Variants in TPTE2 observed in about 807,000 individuals in gnomAD.
TPTE2 encodes phosphatidylinositol 3,4,5-trisphosphate 3-phosphatase TPTE2.
In TPTE2, 53 loss-of-function variants were observed where a neutral mutation model predicts 78.6. The observed-to-expected ratio is 0.67, with a 90% CI of 0.54 to 0.85. The LOEUF (loss-of-function observed/expected upper bound fraction) is 0.85, where lower values mean the gene tolerates loss of function less well. Ranked by LOEUF, TPTE2 falls within the 40% of genes least tolerant of loss-of-function variation. TPTE2 has a pLI of 0.00. For synonymous variants in TPTE2, 175 were observed against 206.2 expected (o/e 0.85, Z 1.30); for missense variants, 461 against 623.0 (o/e 0.74, Z 2.77).
chr13:19,466,235 T>A (rs556305949), intron 7 of TPTE2, among the ~76,000 whole-genome samples: 1 of 152,330 alleles, frequency 6.6e-6, no homozygotes, highest in Admixed American at 6.5e-5. Context: ...GTCCCAGAGA[T>A]ACTGATTCAG....
the TPTE2 span, among the ~76,000 whole-genome samples, chr13:19,543,051 TTC>T: frequency 6.6e-6 from 1 of 151,682 alleles, no homozygotes; most frequent in African/African-American, 2.4e-5. Context: ...CAGTCTTTAT[TTC>T]TTTTTCTTTT....
chr13:19,470,227 T>C (rs1283005218), intron 6 of TPTE2, among the ~76,000 whole-genome samples: 3 of 152,174 alleles, frequency 2.0e-5, no homozygotes, highest in South Asian at 4.1e-4. Flanking sequence ...TTTTAGGGTG[T>C]TTACTATGAA....
chr13:19,457,856 A>T (rs1878640101), intron 10 of TPTE2, among the ~76,000 whole-genome samples: 1 of 152,210 alleles, frequency 6.6e-6, no homozygotes, highest in Non-Finnish European at 1.5e-5. Flanking sequence ...ACCATCTTAA[A>T]TACAAGGAAT....
At chr13:19,494,897 C>G (rs1881215353) in intron 1 of TPTE2, among the ~76,000 whole-genome samples, 1 of 152,160 alleles carries the variant, frequency 6.6e-6, no homozygotes. Flanking sequence ...TAATTATTCA[C>G]ATGTACGTAT....
chr13:19,469,161 A>C (rs1879459148), intron 6 of TPTE2, among the ~76,000 whole-genome samples: 2 of 152,218 alleles, frequency 1.3e-5, no homozygotes, highest in South Asian at 4.1e-4. Flanking sequence ...TTGAGGTCTT[A>C]GATTTAAGTC....
At chr13:19,485,121 C>T (rs994127118) in intron 3 of TPTE2, among the ~76,000 whole-genome samples, 1 of 152,038 alleles carries the variant, frequency 6.6e-6, no homozygotes, top group Non-Finnish European at 1.5e-5. Flanking sequence ...CTTTCTCTTT[C>T]TCCTTTATGC....
chr13:19,447,814 A>G (rs968201809), intron 13 of TPTE2, among the ~76,000 whole-genome samples: 11 of 152,322 alleles, frequency 7.2e-5, no homozygotes, highest in African/African-American at 2.4e-4. Flanking sequence ...TGGATTTACA[A>G]ATGGCTTTTT....
chr13:19,556,566 G>C, the TPTE2 span, among the ~76,000 whole-genome samples: 1 of 152,130 alleles, frequency 6.6e-6, no homozygotes, highest in Non-Finnish European at 1.5e-5. Flanking sequence ...TCACTCTGTT[G>C]CTTAGGATGG....
chr13:19,497,332 C>T (rs1199378132), intron 1 of TPTE2, among the ~76,000 whole-genome samples: 1 of 138,224 alleles, frequency 7.2e-6, no homozygotes, highest in Non-Finnish European at 1.6e-5. Context: ...TCTGTAGGCT[C>T]CACCTCTGGG....
chr13:19,475,586 A>G (rs1264165906), exon 5 of TPTE2: 2 of 1,608,820 alleles, frequency 1.2e-6, no homozygotes, highest in Non-Finnish European at 1.7e-6. Flanking sequence ...AATGCAAAGG[A>G]TGATACAATT....
At chr13:19,537,954 A>G (rs1010099513), upstream of TPTE2, among the ~76,000 whole-genome samples, 1 of 152,194 alleles carries the variant, frequency 6.6e-6, no homozygotes, top group Non-Finnish European at 1.5e-5. Flanking sequence ...AAAGAAGTTC[A>G]GAAAACATCC....
intron 13 of TPTE2, among the ~76,000 whole-genome samples, chr13:19,446,883 C>CA (rs1877876038): frequency 6.6e-6 from 1 of 152,102 alleles, no homozygotes; most frequent in African/African-American, 2.4e-5. Context: ...GTTCAGGCTG[C>CA]AATGAGCTGA....
chr13:19,461,189 T>A (rs1878865193), intron 10 of TPTE2, among the ~76,000 whole-genome samples: 1 of 152,120 alleles, frequency 6.6e-6, no homozygotes, highest in Non-Finnish European at 1.5e-5. Context: ...AGGCCTGAAG[T>A]AGCCTACTGG....
upstream of TPTE2, among the ~76,000 whole-genome samples, chr13:19,540,781 G>A (rs990246542): frequency 2.6e-5 from 4 of 152,102 alleles, no homozygotes; most frequent in African/African-American, 9.7e-5. Flanking sequence ...ATATAGAAAT[G>A]CAACTGCAAA....
Position 19,535,914 on chromosome 13 carries a change from G to A in TPTE2, c.-44+682C>T, listed in dbSNP as rs774687268. On this transcript the variant is annotated intron_variant, in intron 1 of 17. Transcript: ENST00000390680. This position sits in a 1 kb window ranked among gnomAD's most constrained non-coding sequence, Gnocchi z 5.1. The stretch of plus-strand genomic sequence containing the variant: ...GCCTCCCAAAGTGCTGGGATTACAG[G>A]TGTGAGCCACCATGCCCAGCCTACC... Among the ~76,000 whole-genome samples, 67 of 152,278 alleles carry A rather than the reference G, an allele frequency of 4.4e-4. No homozygotes were observed. Among genetic ancestry groups the A allele is most frequent in the Non-Finnish European group, 5.7e-4 (39 of 68,030 alleles).
At chr13:19,436,931 T>C (rs1333130513) in intron 14 of TPTE2, among the ~76,000 whole-genome samples, 1 of 151,982 alleles carries the variant, frequency 6.6e-6, no homozygotes, top group African/African-American at 2.4e-5. Flanking sequence ...AGCACAGGCC[T>C]GGAATACAGG....
At chr13:19,509,450 A>T (rs1869286153) in intron 1 of TPTE2, among the ~76,000 whole-genome samples, 1 of 152,156 alleles carries the variant, frequency 6.6e-6, no homozygotes, top group Non-Finnish European at 1.5e-5. Context: ...CTATAACACA[A>T]CTAAAAGTTT....
chr13:19,492,818 C>T, intron 3 of TPTE2, 32 bp downstream of exon 6: 1 of 1,612,508 alleles, frequency 6.2e-7, no homozygotes, highest in Non-Finnish European at 8.5e-7. Flanking sequence ...CACTCTTATG[C>T]ATACGTGTGT....
intron 2 of TPTE2, 103 bp downstream of exon 5, chr13:19,493,345 A>G (rs1183806165): frequency 1.1e-6 from 1 of 904,574 alleles, no homozygotes; most frequent in African/African-American, 2.0e-5. Context: ...GGATGGATGG[A>G]TGGATGGATG....
Sources: gnomAD v4.1 joint callset for allele counts (sites outside exome capture counted in the v4.1 genomes callset) on GRCh38, gnomAD v4.1.1 for gene constraint, Gnocchi (gnomAD v3.1) non-coding constraint, MANE v1.5 for transcripts, NCBI Gene and HGNC (gene_info 2026-07-23, HGNC 2026-07-21) for gene names.